Variants in FARP1 observed in about 807,000 individuals in gnomAD.
FARP1 encodes the protein FERM, ARH/RhoGEF and pleckstrin domain protein 1.
In FARP1, 52 loss-of-function variants were observed where a neutral mutation model predicts 128.8. That is an observed-to-expected ratio of 0.40 (90% CI 0.32 to 0.51). The LOEUF (loss-of-function observed/expected upper bound fraction) is 0.51, where lower values mean the gene tolerates loss of function less well. Ranked by LOEUF, FARP1 falls within the 20% of genes least tolerant of loss-of-function variation. The probability of loss-of-function intolerance (pLI) is 0.45; values close to 1 mark genes in which losing one functional copy is unlikely to be tolerated. For missense variants in FARP1, 1,333 were observed against 1,367.9 expected (o/e 0.97, Z 0.40); for synonymous variants, 580 against 551.8 (o/e 1.05, Z -0.72).
intron 6 of FARP1, among the ~76,000 whole-genome samples, chr13:98,381,322 G>C (rs1889879754): frequency 6.6e-6 from 1 of 152,084 alleles, no homozygotes; most frequent in South Asian, 2.1e-4. Flanking sequence ...TCTCCCTTTG[G>C]CAGAAACTAT....
chr13:98,186,579 G>T (rs577569536), intron 1 of FARP1, among the ~76,000 whole-genome samples: 1 of 152,276 alleles, frequency 6.6e-6, no homozygotes, highest in South Asian at 2.1e-4. Context: ...CGTGCTTCAT[G>T]TTGTAGCATG....
intron 2 of FARP1, among the ~76,000 whole-genome samples, chr13:98,301,869 G>A (rs1885939931): frequency 6.6e-6 from 1 of 152,178 alleles, no homozygotes; most frequent in African/African-American, 2.4e-5. Context: ...CAAAGCCAGG[G>A]CATGGAGGAT....
At chr13:98,339,407 C>T (rs1887871905) in intron 2 of FARP1, among the ~76,000 whole-genome samples, 1 of 152,126 alleles carries the variant, frequency 6.6e-6, no homozygotes, top group African/African-American at 2.4e-5. Flanking sequence ...GAAATCTGCC[C>T]CCATGATCCA....
chr13:98,322,961 G>A (rs1220946366), intron 2 of FARP1, among the ~76,000 whole-genome samples: 4 of 152,162 alleles, frequency 2.6e-5, no homozygotes, highest in Non-Finnish European at 5.9e-5. Flanking sequence ...TTCGTAATAG[G>A]AAGAGTTTAT....
chr13:98,382,189 G>T (rs909078299), intron 6 of FARP1: 2 of 152,120 alleles, frequency 1.3e-5, no homozygotes, highest in East Asian at 3.9e-4. Context: ...TCGCTCCACC[G>T]CACCCCAGCC....
chr13:98,441,255 C>T (rs113324687), intron 24 of FARP1, among the ~76,000 whole-genome samples: 12 of 152,290 alleles, frequency 7.9e-5, no homozygotes, highest in Admixed American at 5.2e-4. Flanking sequence ...AGAGTCTGCA[C>T]GATGGCAAGC....
intron 1 of FARP1, among the ~76,000 whole-genome samples, chr13:98,161,115 C>G (rs1289230929): frequency 6.6e-6 from 1 of 152,074 alleles, no homozygotes; most frequent in Non-Finnish European, 1.5e-5. Flanking sequence ...CCCACAGTTT[C>G]CTTTTTACAT....
At chr13:98,222,507 A>G (rs1281493312) in intron 2 of FARP1, among the ~76,000 whole-genome samples, 1 of 152,088 alleles carries the variant, frequency 6.6e-6, no homozygotes, top group African/African-American at 2.4e-5. Context: ...AGGACCACAT[A>G]CACCTAAGCC....
chr13:98,199,055 A>T (rs1648588581), intron 1 of FARP1, among the ~76,000 whole-genome samples: 1 of 147,820 alleles, frequency 6.8e-6, no homozygotes, highest in South Asian at 2.2e-4. Context: ...GCTGCCTCTC[A>T]CCTGCGTATT....
In FARP1 at chr13:98,451,005, G is replaced by A. The variant is rs958109586; in HGVS notation, c.*2688G>A. On this transcript the variant is annotated 3_prime_UTR_variant, in exon 27 of 27. Transcript: ENST00000319562. ...ACCACTTGTTGCTCTACGGGGGAAG[G>A]GGCTGAGTATGATTTGTCTGGCGAC... is the stretch of plus-strand genomic sequence containing the variant. 1 of 152,168 alleles carries A rather than the reference G, an allele frequency of 6.6e-6. No individual in the cohort carries two copies. Among genetic ancestry groups the A allele is most frequent in the African/African-American group, 2.4e-5 (1 of 41,426 alleles). The allele number at this position is 152,168 out of a possible 1,614,324, so 9.4% of individuals were successfully genotyped here. A position where few individuals can be genotyped will look rare whatever the true frequency, so the allele number is the denominator to read the frequency against.
At position 98,206,623 on chromosome 13, in the gene FARP1, T is replaced by C. The variant is rs117755975; in HGVS notation, c.-23-6597T>C. ...AGTTTCCTCAGGGATGGAATTTGTG[T>C]TTTTTAGTTTACTGCTTATTGCTTT... On this transcript the variant is annotated intron_variant, in intron 1 of 26. Transcript: ENST00000319562. 2.7e-3 allele frequency among the ~76,000 whole-genome samples: 412 copies of C among 152,326 alleles called. 5 individuals are homozygous for C. The East Asian group carries it at 0.039, about 15-fold the overall frequency.
chr13:98,206,384 C>G (rs1396429741), intron 1 of FARP1, among the ~76,000 whole-genome samples: 1 of 152,144 alleles, frequency 6.6e-6, no homozygotes, highest in Non-Finnish European at 1.5e-5. Flanking sequence ...TCACTATGTC[C>G]AGGGAAGCTG....
chr13:98,342,426 C>T (rs1251658346), intron 2 of FARP1, among the ~76,000 whole-genome samples: 1 of 152,162 alleles, frequency 6.6e-6, no homozygotes, highest in African/African-American at 2.4e-5. Flanking sequence ...TGGCTGGGTA[C>T]GGTGGCTCGT....
intron 6 of FARP1, among the ~76,000 whole-genome samples, chr13:98,378,450 T>G (rs1370295642): frequency 3.3e-5 from 5 of 152,226 alleles, no homozygotes; most frequent in Non-Finnish European, 7.3e-5. Flanking sequence ...CCAGGCTTGC[T>G]GACAAGCCAC....
At position 98,450,308 on chromosome 13, in the gene FARP1, C is replaced by T. The variant is rs1210120008; in HGVS notation, c.*1991C>T. ...GCTGACACATTTTATAGCAGAAATA[C>T]ACAAGCTGTTTTTAAAGGAGGGAAA... On this transcript the variant is annotated 3_prime_UTR_variant, in exon 27 of 27. Coordinates refer to ENST00000319562, the MANE Select transcript of FARP1 (RefSeq NM_005766.4). 1 of 152,188 alleles carries T rather than the reference C, an allele frequency of 6.6e-6. No individual in the cohort carries two copies. Among genetic ancestry groups the T allele is most frequent in the Non-Finnish European group, 1.5e-5 (1 of 68,042 alleles). The allele number at this position is 152,188 out of a possible 1,614,324, so 9.4% of individuals were successfully genotyped here. A position where few individuals can be genotyped will look rare whatever the true frequency, so the allele number is the denominator to read the frequency against.
intron 1 of FARP1, among the ~76,000 whole-genome samples, chr13:98,165,704 G>A (rs984917169): frequency 3.1e-5 from 3 of 95,600 alleles, no homozygotes; most frequent in Admixed American, 1.1e-4. Context: ...AACCCTTCCA[G>A]AAGGGGTTTT....
At chr13:98,328,445 A>C (rs1178661605) in intron 2 of FARP1, 7 of 152,174 alleles carry the variant, frequency 4.6e-5, no homozygotes, top group Admixed American at 3.3e-4. Context: ...TTCCATCTTA[A>C]CTAAGCACTT....
At chr13:98,191,605 C>A (rs1318622444) in intron 1 of FARP1, among the ~76,000 whole-genome samples, 1 of 152,290 alleles carries the variant, frequency 6.6e-6, no homozygotes. Context: ...TTCAGTATTT[C>A]TTTTTTTCCT....
chr13:98,153,490 AT>A (rs1385004780), intron 1 of FARP1, among the ~76,000 whole-genome samples: 3 of 141,020 alleles, frequency 2.1e-5, no homozygotes, highest in African/African-American at 7.8e-5. Context: ...TATATAATAC[AT>A]TATATAAAAA....
Sources: gnomAD v4.1 joint callset for allele counts (sites outside exome capture counted in the v4.1 genomes callset) on GRCh38, gnomAD v4.1.1 for gene constraint, MANE v1.5 for transcripts, NCBI Gene and HGNC (gene_info 2026-07-23, HGNC 2026-07-21) for gene names.